RIN3: variants seen among roughly 807,000 people sequenced by gnomAD.
RIN3 encodes the protein RAB5 interacting protein 3.
In RIN3, 54 loss-of-function variants were observed where a neutral mutation model predicts 76.3. That is an observed-to-expected ratio of 0.71 (90% confidence interval 0.57 to 0.89). RIN3 has a LOEUF of 0.89. RIN3 is among the 40% of genes least tolerant of loss of function. The pLI, the probability that RIN3 is intolerant of heterozygous loss-of-function variation, is 0.00. For synonymous variants in RIN3, 576 were observed against 564.0 expected (o/e 1.02, Z -0.30); for missense variants, 1,256 against 1,322.1 (o/e 0.95, Z 0.78).
At chr14:92,534,450 G>A (rs1261157485) in intron 1 of RIN3, among the ~76,000 whole-genome samples, 1 of 151,792 alleles carries the variant, frequency 6.6e-6, no homozygotes, top group African/African-American at 2.4e-5. Flanking sequence ...CATGGTGTCA[G>A]GCACCTGTAA....
intron 3 of RIN3, among the ~76,000 whole-genome samples, chr14:92,599,883 A>G (rs1885283847): frequency 6.6e-6 from 1 of 152,186 alleles, no homozygotes; most frequent in Non-Finnish European, 1.5e-5. Context: ...ATGACCAGCT[A>G]GAGAAATCTA....
At chr14:92,668,772 A>G (rs1888192082) in intron 7 of RIN3, among the ~76,000 whole-genome samples, 1 of 152,214 alleles carries the variant, frequency 6.6e-6, no homozygotes, top group South Asian at 2.1e-4. Context: ...CGCCATGGGA[A>G]CAGTGGAGGG....
chr14:92,673,484 A>G (rs1347455265), intron 7 of RIN3, among the ~76,000 whole-genome samples: 1 of 152,044 alleles, frequency 6.6e-6, no homozygotes, highest in Admixed American at 6.6e-5. Flanking sequence ...AATGCAAAGA[A>G]AAGCCATGAT....
chr14:92,619,564 C>T (rs372111966), intron 4 of RIN3, among the ~76,000 whole-genome samples: 21 of 151,326 alleles, frequency 1.4e-4, no homozygotes, highest in African/African-American at 3.2e-4. Flanking sequence ...CTCAGCCTCC[C>T]GAGCAGCTGG....
rs1309925136 is a variant in RIN3, at chr14:92,648,956, G to A, written c.533-2626G>A. 6.6e-6 allele frequency among the ~76,000 whole-genome samples: 1 copy of A among 152,222 alleles called. No homozygotes were observed. The highest frequency in any genetic ancestry group is 1.5e-5 in the Non-Finnish European group (1 of 68,036). ...GAATAGCATTAGCCAAGACCTGCTG[G>A]TGGGGCAGCGCATGGCACGTGGAGG... On this transcript the variant is annotated intron_variant, in intron 5 of 9. Transcript: ENST00000216487. The surrounding 1 kb of genome is among the most constrained non-coding windows in gnomAD (Gnocchi z 4.1).
intron 1 of RIN3, among the ~76,000 whole-genome samples, chr14:92,534,033 C>A (rs1261192057): frequency 6.6e-6 from 1 of 152,028 alleles, no homozygotes. Context: ...AAAACCCCAC[C>A]AGCCAAAAAT....
chr14:92,520,557 G>A (rs77511233), intron 1 of RIN3, among the ~76,000 whole-genome samples: 7,983 of 152,230 alleles, frequency 0.052, 714 homozygotes, highest in African/African-American at 0.18. Flanking sequence ...CATTTAACAC[G>A]GGGTGTCAGG....
intron 4 of RIN3, among the ~76,000 whole-genome samples, chr14:92,633,303 G>A (rs1886656333): frequency 6.6e-6 from 1 of 152,158 alleles, no homozygotes; most frequent in African/African-American, 2.4e-5. Flanking sequence ...CACAGCCCTG[G>A]GCACTGCAGT....
chr14:92,652,810 C>T lies in RIN3; in HGVS notation c.1761C>T (p.Phe587=), dbSNP rs760531187. The change falls in exon 6 of 10, where the codon TTC becomes TTT. Residue 587 remains phenylalanine (F), a synonymous_variant. Coordinates refer to ENST00000216487, the MANE Select transcript of RIN3 (RefSeq NM_024832.5). The surrounding 1 kb of genome is among the most constrained non-coding windows in gnomAD (Gnocchi z 6.4). ...GGCACCGGCTGAGCTTTGCCAGTTT[C>T]AGCAGCATGTTCCACGCTTTCCTCT... ...KARHRLSFAS[F]SSMFHAFLSN... 2.0e-5 allele frequency: 33 copies of T among 1,613,948 alleles called. No individual in the cohort carries two copies. The highest frequency in any genetic ancestry group is 2.6e-5 in the Non-Finnish European group (31 of 1,180,052).
intron 2 of RIN3, among the ~76,000 whole-genome samples, chr14:92,564,650 G>GT (rs1281361263): frequency 6.6e-6 from 1 of 152,148 alleles, no homozygotes; most frequent in Non-Finnish European, 1.5e-5. Context: ...ATTGCCCGCT[G>GT]TTTTTTTGGT....
chr14:92,603,566 G>C (rs894235738), intron 3 of RIN3, among the ~76,000 whole-genome samples: 1 of 152,222 alleles, frequency 6.6e-6, no homozygotes, highest in Non-Finnish European at 1.5e-5. Context: ...GGACCCAGGG[G>C]CCTGTGCCCG....
chr14:92,620,462 G>C (rs1886133051), intron 4 of RIN3, among the ~76,000 whole-genome samples: 1 of 152,122 alleles, frequency 6.6e-6, no homozygotes, highest in African/African-American at 2.4e-5. Context: ...GTAGAAAGTT[G>C]GTGTGCTCCA....
chr14:92,652,890 C>T lies in RIN3; in HGVS notation c.1841C>T (p.Ser614Leu), dbSNP rs776325528. The change falls in exon 6 of 10, where the codon TCG becomes TTG. Residue 614 changes from serine (S) to leucine (L), a missense_variant. Transcript: ENST00000216487. This position sits in a 1 kb window ranked among gnomAD's most constrained non-coding sequence, Gnocchi z 6.4. ...GTGGAGCTGGCGCAGGACAAGGGCT[C>T]GTACTTTGGCAGCCTGGTGCAGGAC... ...KVVELAQDKG[S>L]YFGSLVQDYK... The T allele has an allele frequency of 5.0e-6, 8 of 1,613,952 alleles. No individual in the cohort carries two copies. The highest frequency in any genetic ancestry group is 2.2e-5 in the South Asian group (2 of 91,094).
At chr14:92,670,686 G>T (rs117023404) in intron 7 of RIN3, among the ~76,000 whole-genome samples, 1 of 152,186 alleles carries the variant, frequency 6.6e-6, no homozygotes. Flanking sequence ...CAGCTGCAGG[G>T]CTTTGAGCAA....
chr14:92,560,756 T>C (rs1453213401), intron 2 of RIN3, among the ~76,000 whole-genome samples: 1 of 151,808 alleles, frequency 6.6e-6, no homozygotes, highest in Non-Finnish European at 1.5e-5. Context: ...CGGTGGCTCA[T>C]GTCTATAATC....
chr14:92,657,750 A>C (rs1887723969), intron 6 of RIN3, among the ~76,000 whole-genome samples: 2 of 152,156 alleles, frequency 1.3e-5, no homozygotes, highest in Admixed American at 6.5e-5. Context: ...GAGGGTCAGG[A>C]ACGGGGTGAG....
chr14:92,662,459 A>G (rs931781214), intron 7 of RIN3, among the ~76,000 whole-genome samples: 3 of 152,266 alleles, frequency 2.0e-5, no homozygotes, highest in Non-Finnish European at 2.9e-5. Context: ...GGCTGTGTTC[A>G]GATGACTTAG....
At chr14:92,603,334 T>C (rs1368523578) in intron 3 of RIN3, among the ~76,000 whole-genome samples, 1 of 152,190 alleles carries the variant, frequency 6.6e-6, no homozygotes, top group Non-Finnish European at 1.5e-5. Flanking sequence ...GAACCCTAAC[T>C]CACCCTTTGC....
intron 5 of RIN3, among the ~76,000 whole-genome samples, chr14:92,647,165 G>T (rs1389037170): frequency 2.0e-5 from 3 of 152,180 alleles, no homozygotes; most frequent in Non-Finnish European, 4.4e-5. Context: ...GGATGATGTT[G>T]CTGAAACTCA....
Sources: gnomAD v4.1 joint callset for allele counts (sites outside exome capture counted in the v4.1 genomes callset) on GRCh38, gnomAD v4.1.1 for gene constraint, Gnocchi (gnomAD v3.1) non-coding constraint, MANE v1.5 for transcripts, NCBI Gene and HGNC (gene_info 2026-07-23, HGNC 2026-07-21) for gene names.